The following STK36 variants were observed in gnomAD, a reference collection of about 807,000 sequenced individuals.
STK36 encodes the protein serine/threonine-protein kinase 36.
In STK36, 116 loss-of-function variants were observed where a neutral mutation model predicts 142.2. That is an observed-to-expected ratio of 0.82 (90% CI 0.70 to 0.95). STK36 has a LOEUF of 0.95. STK36 is among the 40% of genes least tolerant of loss of function. STK36 has a pLI of 0.00. For synonymous variants in STK36, 619 were observed against 641.7 expected, an observed-to-expected ratio of 0.96 and a Z score of 0.53; for missense variants, 1,422 against 1,617.2, an observed-to-expected ratio of 0.88 and a Z score of 2.07.
intron 6 of STK36, among the ~76,000 whole-genome samples, chr2:218,678,853 G>A (rs1940373766): frequency 6.6e-6 from 1 of 152,186 alleles, no homozygotes; most frequent in African/African-American, 2.4e-5. Flanking sequence ...TCATTAAGAA[G>A]GTGACATCTG....
intron 10 of STK36, 61 bp downstream of exon 10, chr2:218,680,763 T>C (rs1940482039): frequency 1.4e-6 from 2 of 1,460,260 alleles, no homozygotes; most frequent in South Asian, 1.2e-5. Flanking sequence ...TCTAGGTAGA[T>C]GTTTTTCTAG....
chr2:218,680,580 T>C (rs1226121316), intron 9 of STK36, 23 bp from the exon 10 acceptor site: 1 of 1,599,288 alleles, frequency 6.3e-7, no homozygotes. Context: ...GAACCCGTTC[T>C]ACCCCTTGGC....
chr2:218,692,544 C>G (rs1294365977), intron 15 of STK36, 39 bp from the exon 16 acceptor site: 3 of 1,588,356 alleles, frequency 1.9e-6, no homozygotes, highest in Admixed American at 3.4e-5. Flanking sequence ...AGGGCAAGAG[C>G]CTCAGGCCTT....
At chr2:218,679,392 C>G in intron 7 of STK36, 131 bp downstream of exon 7, 1 of 1,257,246 alleles carries the variant, frequency 8.0e-7, no homozygotes, top group Non-Finnish European at 1.1e-6. Context: ...TCTTCCTAGC[C>G]CTTCACTTAA....
At chr2:218,697,794 G>C (rs1941292411) in intron 24 of STK36, 60 bp from the exon 25 acceptor site, 1 of 1,611,342 alleles carries the variant, frequency 6.2e-7, no homozygotes, top group Non-Finnish European at 8.5e-7. Flanking sequence ...GGAGGAGGGA[G>C]GGAGGAATGA....
At chr2:218,693,141 A>C (rs1288564561) in intron 16 of STK36, 99 bp from the exon 17 acceptor site, 8 of 993,186 alleles carry the variant, frequency 8.1e-6, no homozygotes, top group Non-Finnish European at 1.1e-5. Flanking sequence ...GGGAAGAGTG[A>C]CTAGGAAGAG....
Position 218,698,070 on chromosome 2 carries a change from C to T in STK36, c.3057+69C>T, listed in dbSNP as rs1575143905. 4 of 1,594,726 alleles carry T rather than the reference C, an allele frequency of 2.5e-6. No individual in the cohort carries two copies. In the East Asian group the frequency reaches 8.9e-5, roughly 36 times the overall value. ...ACCTTGTATCCTCTAATTTACTTCC[C>T]AGCAGCTCCAGGGCTCTTCTAGGCC... On this transcript the variant is annotated intron_variant, in intron 25 of 26. Transcript: ENST00000295709.
chr2:218,698,528 C>G (rs1422901077), intron 25 of STK36, 74 bp from the exon 26 acceptor site: 2 of 1,537,622 alleles, frequency 1.3e-6, no homozygotes, highest in African/African-American at 1.4e-5. Context: ...TTTTCTCTCT[C>G]CCAGGTTTTG....
At chr2:218,680,500 C>A in intron 9 of STK36, 103 bp from the exon 10 acceptor site, 3 of 946,352 alleles carry the variant, frequency 3.2e-6, no homozygotes, top group South Asian at 1.5e-5. Flanking sequence ...TCCTATATGG[C>A]TTCTTTCTCA....
chr2:218,699,515 T>C (rs1941368955), intron 26 of STK36, among the ~76,000 whole-genome samples, 167 bp downstream of exon 26: 1 of 151,998 alleles, frequency 6.6e-6, no homozygotes, highest in East Asian at 1.9e-4. Flanking sequence ...ATCTCCTGCC[T>C]TGGAGGAGGG....
At chr2:218,698,134 G>A (rs1176652511) in intron 25 of STK36, 133 bp downstream of exon 25, 4 of 1,283,596 alleles carry the variant, frequency 3.1e-6, no homozygotes, top group Non-Finnish European at 4.3e-6. Context: ...TCAAAAGTTG[G>A]CGTGGAGACA....
chr2:218,696,458 A>G (rs1449008583), intron 21 of STK36, 69 bp from the exon 22 acceptor site: 3 of 1,365,118 alleles, frequency 2.2e-6, no homozygotes, highest in Non-Finnish European at 3.1e-6. Context: ...ACCATCACTG[A>G]CCTGCCTTGG....
chr2:218,701,814 C>G, intron 26 of STK36, 52 bp from the exon 27 acceptor site: 2 of 1,600,268 alleles, frequency 1.2e-6, no homozygotes, highest in Non-Finnish European at 1.7e-6. Flanking sequence ...CCCCAGACAC[C>G]ACCATTTCTG....
intron 12 of STK36, 44 bp from the exon 13 acceptor site, chr2:218,689,815 C>T (rs751880155): frequency 2.6e-6 from 4 of 1,547,588 alleles, no homozygotes; most frequent in African/African-American, 2.7e-5. Flanking sequence ...TCTTTGTTTC[C>T]ATCCTTCACA....
intron 12 of STK36, 130 bp downstream of exon 12, chr2:218,689,006 A>T: frequency 1.0e-6 from 1 of 982,222 alleles, no homozygotes; most frequent in Non-Finnish European, 1.4e-6. Flanking sequence ...TAGTTAGTAG[A>T]CTATTAATTG....
rs754578067 is a variant in STK36 at position 218,672,484 on chromosome 2, G to A, written c.-89-257G>A. ...CTCAAAGGAGCAGGGTTGGTTGGGC[G>A]AGGCTAGGTTGAAAGAGTAGGGTCG... is the stretch of plus-strand genomic sequence containing the variant. On this transcript the variant is annotated intron_variant, in intron 1 of 26. Transcript: ENST00000295709. The A allele has an allele frequency of 1.4e-3, 436 of 315,954 alleles. 1 individual carries two copies. The highest frequency in any genetic ancestry group is 2.4e-3 in the South Asian group (74 of 30,658). The allele number at this position is 315,954 out of a possible 1,614,324, so 19.6% of individuals were successfully genotyped here.
At chr2:218,691,851 G>A (rs1361514342) in intron 14 of STK36, among the ~76,000 whole-genome samples, 1 of 152,136 alleles carries the variant, frequency 6.6e-6, no homozygotes, top group East Asian at 1.9e-4. Flanking sequence ...ATGAGCCATT[G>A]CACCTGACCC....
At chr2:218,688,917 T>C (rs538048628) in intron 12 of STK36, 41 bp downstream of exon 12, 18 of 1,523,222 alleles carry the variant, frequency 1.2e-5, no homozygotes, top group Admixed American at 6.9e-5. Flanking sequence ...TTACAGAGGT[T>C]CTTTTTCTTG....
intron 4 of STK36, among the ~76,000 whole-genome samples, chr2:218,674,940 C>CT (rs1940167177): frequency 6.6e-6 from 1 of 152,046 alleles, no homozygotes; most frequent in South Asian, 2.1e-4. Flanking sequence ...TGTCTGACTA[C>CT]TTTTCTTGAA....
Sources: allele counts gnomAD v4.1 joint callset (sites outside exome capture counted in the v4.1 genomes callset), GRCh38; gene constraint gnomAD v4.1.1; transcripts MANE v1.5; gene names NCBI Gene and HGNC (gene_info 2026-07-23, HGNC 2026-07-21).